Variants in ARMH4 observed in about 807,000 individuals in gnomAD.
ARMH4 encodes armadillo-like helical domain-containing protein 4.
Under a neutral mutation model 61.9 loss-of-function variants are expected in ARMH4, and 49 were observed. The ratio of observed to expected loss-of-function variants is 0.79; its 90% CI spans 0.63 to 1.00. ARMH4 has a LOEUF of 1.00. Ranked by LOEUF, ARMH4 falls within the 50% of genes least tolerant of loss-of-function variation. The probability of loss-of-function intolerance (pLI) is 0.00; values close to 1 mark genes in which losing one functional copy is unlikely to be tolerated. For synonymous variants in ARMH4, 368 were observed against 341.5 expected (o/e 1.08, Z -0.85); for missense variants, 934 against 930.0 (o/e 1.00, Z -0.06).
chr14:58,053,434 C>T (rs903499897), intron 5 of ARMH4, among the ~76,000 whole-genome samples: 4 of 152,208 alleles, frequency 2.6e-5, no homozygotes, highest in Non-Finnish European at 5.9e-5. Flanking sequence ...TGGCTCCAGG[C>T]ACAGTGGCCT....
chr14:58,069,655 G>C (rs1047581055), intron 5 of ARMH4, among the ~76,000 whole-genome samples: 4 of 152,182 alleles, frequency 2.6e-5, no homozygotes, highest in Non-Finnish European at 5.9e-5. Context: ...CAGACGGCAA[G>C]AGAAGAGGCA....
Position 58,096,778 on chromosome 14 carries a change from C to T in ARMH4, c.2035G>A (p.Ala679Thr). ...AGGGCATCTGGCACCTGGTAGGTAG[C>T]TCCCTCCAACAGGTCCATGTTTCCC... The part of the protein sequence containing the change: ...EEGNMDLLEG[A>T]TYQVPDALEW... The change falls in exon 5 of 8, where the codon GCT (alanine) becomes ACT (threonine). Residue 679 changes from alanine to threonine, a missense_variant. Physicochemically the swap from Ala to Thr is moderately conservative, Grantham distance 58 (BLOSUM62 0). Coordinates refer to ENST00000267485, the MANE Select transcript of ARMH4 (RefSeq NM_001001872.4). 6.2e-7 allele frequency: 1 copy of T among 1,614,092 alleles called. No homozygotes were observed. Among genetic ancestry groups the T allele is most frequent in the Non-Finnish European group, 8.5e-7 (1 of 1,180,026 alleles).
At chr14:58,077,559 T>G (rs1445511696) in intron 5 of ARMH4, among the ~76,000 whole-genome samples, 1 of 152,140 alleles carries the variant, frequency 6.6e-6, no homozygotes, top group Non-Finnish European at 1.5e-5. Flanking sequence ...ATGAGATGTG[T>G]TTGCACCACT....
intron 2 of ARMH4, among the ~76,000 whole-genome samples, chr14:58,135,258 CT>C (rs1255226185): frequency 1.3e-5 from 2 of 152,090 alleles, no homozygotes; most frequent in Non-Finnish European, 2.9e-5. Context: ...TTTTGTCTCT[CT>C]TTTTTTCCTT....
chr14:58,141,749 C>G (rs1409136315), intron 1 of ARMH4: 1 of 185,610 alleles, frequency 5.4e-6, no homozygotes, highest in African/African-American at 2.4e-5. Flanking sequence ...CTTTCATTGA[C>G]TGGAGCAGAA....
At chr14:58,069,782 T>A (rs536738089) in intron 5 of ARMH4, among the ~76,000 whole-genome samples, 4 of 152,342 alleles carry the variant, frequency 2.6e-5, no homozygotes, top group Non-Finnish European at 2.9e-5. Context: ...TTCATTTAAA[T>A]GGGACCATGC....
At chr14:58,112,492 C>G (rs1401145838) in intron 4 of ARMH4, among the ~76,000 whole-genome samples, 1 of 151,954 alleles carries the variant, frequency 6.6e-6, no homozygotes, top group Non-Finnish European at 1.5e-5. Flanking sequence ...CTATATCTTC[C>G]CAATTTATTT....
At chr14:58,010,409 G>A (rs1412091517) in intron 6 of ARMH4, among the ~76,000 whole-genome samples, 1 of 152,068 alleles carries the variant, frequency 6.6e-6, no homozygotes, top group Non-Finnish European at 1.5e-5. Flanking sequence ...TTCAAGCATG[G>A]AAGAAGGCAG....
intron 5 of ARMH4, among the ~76,000 whole-genome samples, chr14:58,021,951 GGTATA>G (rs934656999): frequency 6.6e-6 from 1 of 152,064 alleles, no homozygotes; most frequent in African/African-American, 2.4e-5. Flanking sequence ...TTAATACACT[GGTATA>G]GTATAGTAGT....
In ARMH4 at chr14:58,002,780, T is replaced by A. The variant is rs1405103489; in HGVS notation, c.*1956A>T. On this transcript the variant is annotated 3_prime_UTR_variant, in exon 8 of 8. Coordinates refer to ENST00000267485, the MANE Select transcript of ARMH4 (RefSeq NM_001001872.4). ...CTCTACTCGTGAAATTACAAATCAC[T>A]TCTGAGTGTCATGATTCTGAATTCT... 6.6e-6 allele frequency: 1 copy of A among 152,212 alleles called. No individual in the cohort carries two copies. Among genetic ancestry groups the A allele is most frequent in the Non-Finnish European group, 1.5e-5 (1 of 68,038 alleles). The allele number at this position is 152,212 out of a possible 1,614,324, so 9.4% of individuals were successfully genotyped here.
intron 4 of ARMH4, among the ~76,000 whole-genome samples, chr14:58,118,870 A>C (rs1338626346): frequency 1.3e-5 from 2 of 152,240 alleles, no homozygotes; most frequent in Non-Finnish European, 2.9e-5. Flanking sequence ...CCAGAGTTTT[A>C]ATAGGAAACA....
At chr14:58,023,486 T>A (rs1178875415) in intron 5 of ARMH4, among the ~76,000 whole-genome samples, 1 of 152,130 alleles carries the variant, frequency 6.6e-6, no homozygotes, top group Non-Finnish European at 1.5e-5. Context: ...CTAATTCTCT[T>A]TCTATTTCTA....
intron 1 of ARMH4, among the ~76,000 whole-genome samples, chr14:58,142,609 C>T (rs994600798): frequency 1.3e-5 from 2 of 151,876 alleles, no homozygotes; most frequent in Non-Finnish European, 2.9e-5. Flanking sequence ...GTAGCTGGGA[C>T]TACAGGCGTG....
Position 58,138,539 on chromosome 14 carries a change from G to C in ARMH4, c.820C>G (p.Leu274Val). 1 of 1,614,252 alleles carries C rather than the reference G, an allele frequency of 6.2e-7. No homozygotes were observed. Among genetic ancestry groups the C allele is most frequent in the Non-Finnish European group, 8.5e-7 (1 of 1,180,052 alleles). ...CTCAGGGTGTACTCGGAAGTTTCGA[G>C]TGGTTGCTTGGTGGCAGCAGCCTGG... ...NTQAAATKQPLETSEYTLSVE... is the reference protein window; with the variant it reads ...NTQAAATKQPVETSEYTLSVE... Residue 274 changes from leucine to valine, a missense_variant, in exon 2 of 8, where the codon CTC becomes GTC. Coordinates refer to ENST00000267485, the MANE Select transcript of ARMH4 (RefSeq NM_001001872.4).
intron 5 of ARMH4, among the ~76,000 whole-genome samples, chr14:58,074,688 T>C (rs10140125): frequency 0.53 from 81,182 of 151,880 alleles, 22,184 homozygotes; most frequent in Middle Eastern, 0.61. Context: ...TACCATGCAA[T>C]AGACGTAAAT....
At chr14:58,084,442 G>A (rs1885321365) in intron 5 of ARMH4, among the ~76,000 whole-genome samples, 1 of 152,092 alleles carries the variant, frequency 6.6e-6, no homozygotes, top group East Asian at 1.9e-4. Flanking sequence ...TGTGGGATGT[G>A]CAATACTTTA....
chr14:58,072,082 TG>T (rs1417766792), intron 5 of ARMH4, among the ~76,000 whole-genome samples: 14 of 152,224 alleles, frequency 9.2e-5, no homozygotes, highest in African/African-American at 3.4e-4. Context: ...TATAATTTTT[TG>T]TATTACCTCT....
chr14:58,102,032 A>G (rs1233963310), intron 4 of ARMH4, among the ~76,000 whole-genome samples: 1 of 152,176 alleles, frequency 6.6e-6, no homozygotes, highest in Non-Finnish European at 1.5e-5. Flanking sequence ...GGGTAGTGGA[A>G]GAGTGGCATG....
intron 1 of ARMH4, among the ~76,000 whole-genome samples, chr14:58,140,474 G>A (rs948259952): frequency 5.3e-5 from 8 of 151,020 alleles, no homozygotes; most frequent in South Asian, 2.1e-4. Flanking sequence ...CCAGCTGCTC[G>A]GGAGGCTGAG....
Sources: allele counts gnomAD v4.1 joint callset (sites outside exome capture counted in the v4.1 genomes callset), GRCh38; gene constraint gnomAD v4.1.1; transcripts MANE v1.5; gene names NCBI Gene and HGNC (gene_info 2026-07-23, HGNC 2026-07-21).